TSC22D1: variants seen among roughly 807,000 people sequenced by gnomAD.
TSC22D1 encodes the protein TSC22 domain family member 1, also known as TSC22 domain family protein 1.
In TSC22D1, 9 loss-of-function variants were observed where a neutral mutation model predicts 74.2. That is an observed-to-expected ratio of 0.12 (90% CI 0.07 to 0.21). TSC22D1 has a LOEUF of 0.21. Among genes scored for constraint, TSC22D1 ranks in the 10% least tolerant of loss-of-function variants. The pLI is 1.00. For synonymous variants in TSC22D1, 586 were observed against 492.5 expected (o/e 1.19, Z -2.51); for missense variants, 1,427 against 1,304.7 (o/e 1.09, Z -1.44).
intron 1 of TSC22D1, among the ~76,000 whole-genome samples, chr13:44,480,409 T>G (rs1272275391): frequency 6.6e-6 from 1 of 150,824 alleles, no homozygotes; most frequent in Non-Finnish European, 1.5e-5. Flanking sequence ...CTATAAAAAT[T>G]GTAGGTGCCT....
At chr13:44,551,561 C>A (rs1882276759) in intron 1 of TSC22D1, among the ~76,000 whole-genome samples, 1 of 152,152 alleles carries the variant, frequency 6.6e-6, no homozygotes. Flanking sequence ...GCTGGGATTA[C>A]ATAAGCGTGC....
intron 1 of TSC22D1, among the ~76,000 whole-genome samples, chr13:44,457,637 C>CAAAAAAAAA (rs10692086): frequency 1.5e-4 from 13 of 85,392 alleles, no homozygotes; most frequent in East Asian, 1.1e-3. Context: ...AAGCAAATAG[C>CAAAAAAAAA]AAAAAAAAAA....
chr13:44,554,416 T>C (rs1046773298), intron 1 of TSC22D1, among the ~76,000 whole-genome samples: 5 of 152,234 alleles, frequency 3.3e-5, no homozygotes, highest in East Asian at 3.9e-4. Context: ...AGAATAACAA[T>C]TGAGCACAAT....
At chr13:44,474,381 T>C (rs1877778294) in intron 1 of TSC22D1, 1 of 442,058 alleles carries the variant, frequency 2.3e-6, no homozygotes, top group African/African-American at 2.1e-5. Flanking sequence ...CAGTTTCTAC[T>C]TAAAGGGGCA....
Position 44,432,422 on chromosome 13 carries a change from G to C in TSC22D1, c.*2204C>G, listed in dbSNP as rs189482515. The C allele has an allele frequency of 2.0e-5, 3 of 152,262 alleles. No homozygotes were observed. The East Asian group carries it at 5.8e-4, about 29-fold the overall frequency. The allele number at this position is 152,262 out of a possible 1,614,324, so 9.4% of individuals were successfully genotyped here. A position where few individuals can be genotyped will look rare whatever the true frequency, so the allele number is the denominator to read the frequency against. ...TCAAGGAAATGTAATTACTACGTAA[G>C]TATTCCTTTATTAAATTTGAAGTTA... On this transcript the variant is annotated 3_prime_UTR_variant, in exon 3 of 3. Coordinates refer to ENST00000458659, the MANE Select transcript of TSC22D1 (RefSeq NM_183422.4).
rs1035635533 is a variant in TSC22D1, at chr13:44,434,802, T to C, written c.3046A>G (p.Lys1016Glu). The C allele has an allele frequency of 1.2e-6, 2 of 1,614,000 alleles. No individual in the cohort carries two copies. The highest frequency in any genetic ancestry group is 1.7e-6 in the Non-Finnish European group (2 of 1,180,036). The change falls in exon 3 of 3, where the codon AAA (lysine) becomes GAA (glutamate). Residue 1016 changes from lysine (K) to glutamate (E), a missense_variant. This residue lies in a region of TSC22D1 where 21 missense variants were observed against 62.7 expected (regional missense o/e 0.34). Transcript: ENST00000458659. ...TTCTCCTGCTCCAGCTGGGAATTTT[T>C]CTCTATTAGTTCTTTGATTTGCTCT... is the stretch of plus-strand genomic sequence containing the variant. ...LKEQIKELIE[K>E]NSQLEQENNL... is the part of the protein sequence containing the mutation.
chr13:44,550,629 T>C (rs1279833909), intron 1 of TSC22D1, among the ~76,000 whole-genome samples: 1 of 151,586 alleles, frequency 6.6e-6, no homozygotes, highest in Admixed American at 6.6e-5. Context: ...GAAGCTAGTG[T>C]ACATTCCCTT....
intron 1 of TSC22D1, among the ~76,000 whole-genome samples, chr13:44,534,362 A>G: frequency 1.1e-5 from 1 of 92,996 alleles, no homozygotes; most frequent in Admixed American, 1.1e-4. Context: ...ACCCCGTCTT[A>G]AAAAAAAAAA....
intron 1 of TSC22D1, among the ~76,000 whole-genome samples, chr13:44,493,046 G>A (rs1382560302): frequency 6.6e-6 from 1 of 152,010 alleles, no homozygotes; most frequent in African/African-American, 2.4e-5. Context: ...AGTACCAATG[G>A]CCCTTCCCTC....
chr13:44,520,732 G>T (rs1244366585), intron 1 of TSC22D1, among the ~76,000 whole-genome samples: 1 of 152,156 alleles, frequency 6.6e-6, no homozygotes, highest in Non-Finnish European at 1.5e-5. Context: ...TTTGGTATCA[G>T]AATGAAGGAT....
In TSC22D1 at chr13:44,480,298, A is replaced by AT. The variant is rs752604118; in HGVS notation, c.2913-44204dup. On this transcript the variant is annotated intron_variant, in intron 1 of 2. Coordinates refer to ENST00000458659, the MANE Select transcript of TSC22D1 (RefSeq NM_183422.4). Reference sequence around the variant, plus strand: ...AAATCAATTTTCTTATGGTTTTGGCATTTTTTTAAGACAACAGGGTAATGC... The same window carrying AT: ...AAATCAATTTTCTTATGGTTTTGGCATTTTTTTTAAGACAACAGGGTAATGC... Among the ~76,000 whole-genome samples, 3 of 152,234 alleles carry AT rather than the reference A, an allele frequency of 2.0e-5. No individual in the cohort carries two copies. In the South Asian group the frequency reaches 6.2e-4, roughly 32 times the overall value.
At chr13:44,567,635 T>G (rs1883468718) in intron 1 of TSC22D1, among the ~76,000 whole-genome samples, 1 of 151,530 alleles carries the variant, frequency 6.6e-6, no homozygotes, top group Non-Finnish European at 1.5e-5. Flanking sequence ...TTTAAATATG[T>G]GATAAGGGAA....
chr13:44,558,963 C>T (rs1399692706), intron 1 of TSC22D1, among the ~76,000 whole-genome samples: 2 of 152,130 alleles, frequency 1.3e-5, no homozygotes, highest in Non-Finnish European at 2.9e-5. Context: ...AATAATAAAA[C>T]ATAACCAATT....
chr13:44,485,066 T>C (rs1390143048), intron 1 of TSC22D1, among the ~76,000 whole-genome samples: 1 of 152,156 alleles, frequency 6.6e-6, no homozygotes, highest in African/African-American at 2.4e-5. Context: ...CAATAAATAT[T>C]GGAGTCCATC....
At chr13:44,533,230 G>A (rs558851467) in intron 1 of TSC22D1, among the ~76,000 whole-genome samples, 42 of 152,202 alleles carry the variant, frequency 2.8e-4, no homozygotes, top group African/African-American at 8.9e-4. Flanking sequence ...GGAGGCTGAG[G>A]TGGATGGATC....
chr13:44,552,909 A>G (rs1047049136), intron 1 of TSC22D1, among the ~76,000 whole-genome samples: 1 of 152,178 alleles, frequency 6.6e-6, no homozygotes, highest in Non-Finnish European at 1.5e-5. Flanking sequence ...AATGGCGTGA[A>G]CCCGGAAGGC....
chr13:44,451,736 G>A (rs537794396), intron 1 of TSC22D1, among the ~76,000 whole-genome samples: 4 of 152,324 alleles, frequency 2.6e-5, no homozygotes, highest in African/African-American at 9.6e-5. Context: ...GAAGCCACAC[G>A]CTGAGGATCA....
At position 44,576,210 on chromosome 13, in the gene TSC22D1, G is replaced by A. The variant is rs1392557882; in HGVS notation, c.-136C>T. ...CGATTCCTCCTTCTCCTCCTCCTCA[G>A]CCAAAGGCGCCGGTCGCTCCTGCCT... On this transcript the variant is annotated 5_prime_UTR_variant, in exon 1 of 3. Transcript: ENST00000458659. 1 of 1,279,576 alleles carries A rather than the reference G, an allele frequency of 7.8e-7. No individual in the cohort carries two copies. The highest frequency in any genetic ancestry group is 2.6e-5 in the East Asian group (1 of 38,642). 79.3% of individuals were successfully genotyped at this position (1,279,576 alleles called of 1,614,324 possible). A position where few individuals can be genotyped will look rare whatever the true frequency, so the allele number is the denominator to read the frequency against.
intron 1 of TSC22D1, among the ~76,000 whole-genome samples, chr13:44,498,324 C>A (rs138021403): frequency 1.7e-5 from 2 of 114,692 alleles, no homozygotes; most frequent in Admixed American, 9.1e-5. Context: ...ACAAACAAAA[C>A]CAAAAACAAA....
Sources: gnomAD v4.1 joint callset for allele counts (sites outside exome capture counted in the v4.1 genomes callset) on GRCh38, gnomAD v4.1.1 for gene constraint, gnomAD v4.1.1 regional missense constraint, MANE v1.5 for transcripts, NCBI Gene and HGNC (gene_info 2026-07-23, HGNC 2026-07-21) for gene names.